DNM1L: variants seen among roughly 807,000 people sequenced by gnomAD.
DNM1L encodes dynamin 1L.
In DNM1L, 33 loss-of-function variants were observed where a neutral mutation model predicts 92.8. The ratio of observed to expected loss-of-function variants is 0.36; its 90% CI spans 0.27 to 0.48. The LOEUF (loss-of-function observed/expected upper bound fraction) is 0.48. DNM1L is among the 20% of genes least tolerant of loss of function. The probability of loss-of-function intolerance (pLI) is 0.99; values close to 1 mark genes in which losing one functional copy is unlikely to be tolerated. For synonymous variants in DNM1L, 284 were observed against 305.0 expected, an observed-to-expected ratio of 0.93 and a Z score of 0.72; for missense variants, 485 against 888.8, an observed-to-expected ratio of 0.55 and a Z score of 5.78.
chr12:32,706,783 C>G (rs984784362), intron 2 of DNM1L: 4 of 432,326 alleles, frequency 9.3e-6, no homozygotes, highest in Non-Finnish European at 1.8e-5. Context: ...TGAGAGAGCT[C>G]TTTAAAGGAA....
At chr12:32,695,172 A>G (rs1325863812) in intron 1 of DNM1L, among the ~76,000 whole-genome samples, 1 of 152,198 alleles carries the variant, frequency 6.6e-6, no homozygotes, top group Non-Finnish European at 1.5e-5. Context: ...TTTGAATACT[A>G]TATGAAAACA....
At chr12:32,719,299 A>G (rs1233864303) in intron 7 of DNM1L, among the ~76,000 whole-genome samples, 1 of 152,230 alleles carries the variant, frequency 6.6e-6, no homozygotes, top group Non-Finnish European at 1.5e-5. Context: ...ATACCACAAA[A>G]TGGAAGAAAT....
At chr12:32,717,944 A>AAATATAGTATATATAGTATATATATTAT in intron 6 of DNM1L, among the ~76,000 whole-genome samples, 2 of 90,202 alleles carry the variant, frequency 2.2e-5, no homozygotes, top group African/African-American at 9.8e-5. Context: ...ATATATATAA[A>AAATATAGTATATATAGTATATATATTAT]ATATAGTATA....
At chr12:32,717,950 G>GTA (rs1366652659) in intron 6 of DNM1L, among the ~76,000 whole-genome samples, 1 of 84,556 alleles carries the variant, frequency 1.2e-5, no homozygotes, top group Non-Finnish European at 2.1e-5. Context: ...ATAAAATATA[G>GTA]TATATATAGT....
chr12:32,679,524 C>T, intron 1 of DNM1L, 59 bp downstream of exon 1: 1 of 1,530,098 alleles, frequency 6.5e-7, no homozygotes, highest in Non-Finnish European at 8.9e-7. Flanking sequence ...CTGGTCGGTG[C>T]TGCGGCAGTG....
intron 6 of DNM1L, among the ~76,000 whole-genome samples, chr12:32,716,742 GTA>G (rs71447619): frequency 0.022 from 3,107 of 139,074 alleles, 80 homozygotes; most frequent in African/African-American, 0.061. Flanking sequence ...ACTATATATA[GTA>G]TATATATATA....
In DNM1L at chr12:32,737,917, C is replaced by A. The variant is rs143236486; in HGVS notation, c.1649C>A (p.Ala550Asp). The change falls in exon 15 of 20, where the codon GCT becomes GAT. Residue 550 changes from alanine to aspartate, a missense_variant. Around this residue, in one of 11 missense-constraint regions of DNM1L, gnomAD observed 65 missense variants for 59.4 expected, o/e 1.09. Coordinates refer to ENST00000549701, the MANE Select transcript of DNM1L (RefSeq NM_012062.5). ...LAPASQEPSPAASAEADGKLI... is the reference protein window; with the variant it reads ...LAPASQEPSPDASAEADGKLI... Reference sequence around the variant, plus strand: ...CCTGCCTCCCAGGAGCCCTCCCCCGCTGCTTCTGCTGAGGCTGATGGCAAG... The same window carrying A: ...CCTGCCTCCCAGGAGCCCTCCCCCGATGCTTCTGCTGAGGCTGATGGCAAG... 107 of 1,613,952 alleles carry A rather than the reference C, an allele frequency of 6.6e-5. No individual in the cohort carries two copies. The African/African-American group carries it at 1.2e-3, about 17-fold the overall frequency.
chr12:32,684,485 TTTTC>T (rs902232462), intron 1 of DNM1L, among the ~76,000 whole-genome samples: 2 of 152,106 alleles, frequency 1.3e-5, no homozygotes, highest in African/African-American at 2.4e-5. Context: ...TTCTTTTTTT[TTTTC>T]TTTTTTGAGA....
At chr12:32,703,029 A>G (rs1952773344) in intron 2 of DNM1L, among the ~76,000 whole-genome samples, 1 of 150,104 alleles carries the variant, frequency 6.7e-6, no homozygotes, top group Non-Finnish European at 1.5e-5. Context: ...TTAAGACACT[A>G]TATGATATTA....
intron 14 of DNM1L, 114 bp from the exon 15 acceptor site, chr12:32,737,750 TC>T (rs1412569006): frequency 3.7e-6 from 3 of 808,274 alleles, no homozygotes; most frequent in Non-Finnish European, 6.4e-6. Context: ...ATTATTTTCA[TC>T]TTTCATGTTA....
intron 18 of DNM1L, among the ~76,000 whole-genome samples, chr12:32,742,350 C>T (rs948681715): frequency 2.0e-5 from 3 of 152,120 alleles, no homozygotes; most frequent in African/African-American, 7.2e-5. Flanking sequence ...GCAGTCCACC[C>T]GCGTCAGCCT....
chr12:32,691,247 C>G (rs1433912534), intron 1 of DNM1L, among the ~76,000 whole-genome samples: 1 of 151,906 alleles, frequency 6.6e-6, no homozygotes, highest in Admixed American at 6.6e-5. Flanking sequence ...CCCCAGTAGC[C>G]TTGTTTTTTT....
Position 32,705,755 on chromosome 12 carries a change from T to C in DNM1L, c.251-1612T>C, listed in dbSNP as rs1046175789. ...GTGATCAGGTTTCTGCACATTTGAA[T>C]TTTTAATAAGGTTTAAAATTTTAGG... On this transcript the variant is annotated intron_variant, in intron 2 of 19. Coordinates refer to ENST00000549701, the MANE Select transcript of DNM1L (RefSeq NM_012062.5). 2.8e-6 allele frequency: 4 copies of C among 1,421,696 alleles called. No individual in the cohort carries two copies. The Admixed American group carries it at 7.6e-5, about 27-fold the overall frequency. 88.1% of individuals were successfully genotyped at this position (1,421,696 alleles called of 1,614,324 possible). A position where few individuals can be genotyped will look rare whatever the true frequency, so the allele number is the denominator to read the frequency against.
chr12:32,701,429 C>T lies in DNM1L; in HGVS notation c.117C>T (p.Ser39=), dbSNP rs1168877851. The T allele has an allele frequency of 1.2e-6, 2 of 1,614,028 alleles. No individual in the cohort carries two copies. The highest frequency in any genetic ancestry group is 2.2e-5 in the East Asian group (1 of 44,868). Reference sequence around the variant, plus strand: ...TCTGTTTTCAGAGCAGCGGAAAGAGCTCAGTGCTAGAAAGCCTGGTGGGGA... The same window carrying T: ...TCTGTTTTCAGAGCAGCGGAAAGAGTTCAGTGCTAGAAAGCCTGGTGGGGA... ...VVVGTQSSGK[S]SVLESLVGRD... The change falls in exon 2 of 20, where the codon AGC becomes AGT. Residue 39 remains serine (S), a synonymous_variant. Transcript: ENST00000549701.
At chr12:32,732,435 G>A (rs1954614096) in intron 12 of DNM1L, 2 of 446,274 alleles carry the variant, frequency 4.5e-6, no homozygotes, top group African/African-American at 4.0e-5. Flanking sequence ...AAATAAAAAT[G>A]CTGAAATTGG....
At chr12:32,701,384 C>T (rs959670325) in intron 1 of DNM1L, 31 bp from the exon 2 acceptor site, 2 of 1,605,506 alleles carry the variant, frequency 1.2e-6, no homozygotes, top group South Asian at 1.1e-5. Context: ...TTAAGAAACT[C>T]ATTTTGCTCT....
chr12:32,726,696 C>T lies in DNM1L; in HGVS notation c.1079+4063C>T, dbSNP rs555764814. The T allele has an allele frequency of 1.3e-4, 85 of 654,958 alleles. 2 individuals are homozygous for T. Among genetic ancestry groups the T allele is most frequent in the South Asian group, 1.2e-3 (63 of 54,474 alleles). The allele number at this position is 654,958 out of a possible 1,614,324, so 40.6% of individuals were successfully genotyped here. On this transcript the variant is annotated intron_variant, in intron 9 of 19. Transcript: ENST00000549701. ...ATTGGAAACTGTTTTAGTCACAATA[C>T]GAATTGTCCCATGTCCCTAGTGTTT...
intron 19 of DNM1L, 120 bp downstream of exon 19, chr12:32,742,868 T>G: frequency 1.0e-6 from 1 of 980,956 alleles, no homozygotes; most frequent in Non-Finnish European, 1.5e-6. Context: ...GCTTGTTTCC[T>G]GTTGGTACTT....
At chr12:32,732,061 A>G in intron 12 of DNM1L, 118 bp downstream of exon 12, 1 of 768,228 alleles carries the variant, frequency 1.3e-6, no homozygotes, top group Non-Finnish European at 2.2e-6. Context: ...AATGTTTTCC[A>G]GTGTATTGGG....
Sources: allele counts gnomAD v4.1 joint callset (sites outside exome capture counted in the v4.1 genomes callset), GRCh38; gene constraint gnomAD v4.1.1; regional missense constraint gnomAD v4.1.1; transcripts MANE v1.5; gene names NCBI Gene and HGNC (gene_info 2026-07-23, HGNC 2026-07-21).